The following WHRN variants were observed in gnomAD, a reference collection of about 807,000 sequenced individuals.
The protein encoded by WHRN is whirlin.
A neutral mutation model predicts 68.3 loss-of-function variants in WHRN; 41 were observed. The ratio of observed to expected loss-of-function variants is 0.60; its 90% CI spans 0.47 to 0.78. The LOEUF (loss-of-function observed/expected upper bound fraction) is 0.78. WHRN is among the 30% of genes least tolerant of loss of function. WHRN has a pLI of 0.00. For missense variants in WHRN, 1,243 were observed against 1,244.7 expected (o/e 1.00, Z 0.02); for synonymous variants, 560 against 561.3 (o/e 1.00, Z 0.03).
chr9:114,423,115 A>G lies in WHRN; in HGVS notation c.1626+199T>C, dbSNP rs2181928. On this transcript the variant is annotated intron_variant, in intron 7 of 11. Transcript: ENST00000362057. ...TCTCTCCTGTTCACCTGTTGTCCCC[A>G]AGAGCCCATGCCTAGCATGCAGTAG... Among the ~76,000 whole-genome samples, 87,762 of 151,808 alleles carry G rather than the reference A, an allele frequency of 0.58. 27,437 individuals carry two copies. Among genetic ancestry groups the G allele is most frequent in the East Asian group, 0.94 (4,838 of 5,156 alleles).
At chr9:114,479,334 T>TA (rs1841919169) in intron 1 of WHRN, among the ~76,000 whole-genome samples, 1 of 152,194 alleles carries the variant, frequency 6.6e-6, no homozygotes, top group Non-Finnish European at 1.5e-5. Context: ...CTGGAGGAAT[T>TA]AGTGTGTTCT....
chr9:114,421,619 T>C (rs1372132295), intron 7 of WHRN, among the ~76,000 whole-genome samples: 5 of 152,236 alleles, frequency 3.3e-5, no homozygotes, highest in African/African-American at 1.2e-4. Context: ...TTTAGAGCAG[T>C]GGCTCATGGC....
chr9:114,497,175 A>T (rs1325033656), intron 1 of WHRN, among the ~76,000 whole-genome samples: 1 of 152,206 alleles, frequency 6.6e-6, no homozygotes, highest in Non-Finnish European at 1.5e-5. Context: ...TCCAGGAAAG[A>T]GGACATTTGG....
chr9:114,423,184 C>T, intron 7 of WHRN, 130 bp downstream of exon 7: 1 of 978,248 alleles, frequency 1.0e-6, no homozygotes, highest in Non-Finnish European at 1.6e-6. Flanking sequence ...GAAACTGAGG[C>T]TCAGAGAGGC....
Position 114,402,624 on chromosome 9 carries a change from G to A in WHRN, c.*130C>T, listed in dbSNP as rs1486972738. 1 of 1,155,890 alleles carries A rather than the reference G, an allele frequency of 8.7e-7. No individual in the cohort carries two copies. The highest frequency in any genetic ancestry group is 1.7e-5 in the Admixed American group (1 of 58,660). The allele number at this position is 1,155,890 out of a possible 1,614,324, so 71.6% of individuals were successfully genotyped here. ...CAGTTCTGGTCCAGTGGGCTGGGAT[G>A]GAGGGGGGATGTCTTCCTGCCACCC... is the stretch of plus-strand genomic sequence containing the variant. On this transcript the variant is annotated 3_prime_UTR_variant, in exon 12 of 12. Coordinates refer to ENST00000362057, the MANE Select transcript of WHRN (RefSeq NM_015404.4).
intron 3 of WHRN, among the ~76,000 whole-genome samples, chr9:114,452,436 A>G (rs371562761): frequency 1.3e-5 from 2 of 152,360 alleles, no homozygotes; most frequent in East Asian, 3.9e-4. Flanking sequence ...CACCTGGCAC[A>G]CAGTAAGTAT....
rs372625187 is a variant in WHRN, at chr9:114,475,788, A to G, written c.837+2765T>C. ...AGACATCAGCTCATGCCCCTTCCCA[A>G]TAGGGAAATGGGGTTTCCACACTGT... is the stretch of plus-strand genomic sequence containing the variant. On this transcript the variant is annotated intron_variant, in intron 2 of 11. Transcript: ENST00000362057. Among the ~76,000 whole-genome samples, 140 of 152,222 alleles carry G rather than the reference A, an allele frequency of 9.2e-4. 1 individual carries two copies. In the South Asian group the frequency reaches 0.029, roughly 31 times the overall value.
Position 114,486,951 on chromosome 9 carries a change from GTGTGTGTGTATATATATATATATA to G in WHRN, c.619-8204_619-8181del, listed in dbSNP as rs1485515194. Among the ~76,000 whole-genome samples the G allele has an allele frequency of 8.1e-3, 728 of 90,242 alleles. 52 individuals are homozygous for G. Among genetic ancestry groups the G allele is most frequent in the African/African-American group, 0.036 (696 of 19,490 alleles). 59.2% of individuals were successfully genotyped at this position (90,242 alleles called of 152,430 possible). The stretch of plus-strand genomic sequence containing the variant: ...GAGTGTGTGTGTGTGTTGTGTGTGT[GTGTGTGTGTATATATATATATATA>G]TATATATATATATATATATATATAT... On this transcript the variant is annotated intron_variant, in intron 1 of 11. Transcript: ENST00000362057.
chr9:114,411,179 GAAAGGAATGGCAGCCCTCTCACACC>G (rs1835410994), intron 7 of WHRN, among the ~76,000 whole-genome samples: 1 of 152,192 alleles, frequency 6.6e-6, no homozygotes, highest in African/African-American at 2.4e-5. Context: ...AACTAGGATG[GAAAGGAATGGCAGCCCTCTCACACC>G]ACCTCCCTCC....
At chr9:114,407,852 G>A in intron 8 of WHRN, 95 bp downstream of exon 8, 1 of 1,068,938 alleles carries the variant, frequency 9.4e-7, no homozygotes, top group Non-Finnish European at 1.4e-6. Flanking sequence ...TTGCCACCCT[G>A]TGCCCTTTCT....
At chr9:114,481,999 AC>A (rs1389956527) in intron 1 of WHRN, among the ~76,000 whole-genome samples, 1 of 152,074 alleles carries the variant, frequency 6.6e-6, no homozygotes, top group Non-Finnish European at 1.5e-5. Flanking sequence ...ATCGTGTGGC[AC>A]ACAGTAGGTC....
rs376805417 is a variant in WHRN, at chr9:114,406,418, C to T, written c.2173G>A (p.Glu725Lys). The T allele has an allele frequency of 1.6e-5, 26 of 1,614,164 alleles. No individual in the cohort carries two copies. The highest frequency in any genetic ancestry group is 1.1e-4 in the East Asian group (5 of 44,876). ...TGTNQHFVMV[E>K]VHRPDSEPDV... is the part of the protein sequence containing the mutation. ...GGCTCGCTGTCGGGGCGGTGGACCTCCACCATGACAAAGTGCTGGTTTGTG... is the reference window on the plus strand; with the variant it reads ...GGCTCGCTGTCGGGGCGGTGGACCTTCACCATGACAAAGTGCTGGTTTGTG... The change falls in exon 9 of 12, where the codon GAG (glutamate) becomes AAG (lysine). Residue 725 changes from glutamate (E) to lysine (K), a missense_variant. Physicochemically the swap from Glu to Lys is moderately conservative, Grantham distance 56. Transcript: ENST00000362057.
chr9:114,448,878 C>A (rs1474121715), intron 3 of WHRN, among the ~76,000 whole-genome samples: 2 of 152,180 alleles, frequency 1.3e-5, no homozygotes, highest in Non-Finnish European at 2.9e-5. Context: ...ACTTCCTCAC[C>A]CACAGTACCT....
intron 3 of WHRN, among the ~76,000 whole-genome samples, chr9:114,451,996 G>C (rs955315341): frequency 1.3e-5 from 2 of 152,180 alleles, no homozygotes; most frequent in Non-Finnish European, 1.5e-5. Flanking sequence ...GTGGGACAGA[G>C]GGCGGACTCC....
Position 114,504,843 on chromosome 9 carries a change from T to G in WHRN, c.-42A>C. 7.3e-7 allele frequency: 1 copy of G among 1,361,592 alleles called. No homozygotes were observed. The highest frequency in any genetic ancestry group is 9.4e-7 in the Non-Finnish European group (1 of 1,068,006). 84.3% of individuals were successfully genotyped at this position (1,361,592 alleles called of 1,614,324 possible). ...GGCCGGGCTCTGAGCGCGCGGGGTG[T>G]GGGCGGTGCCGCTGTCCTCGCGGGT... On this transcript the variant is annotated 5_prime_UTR_variant, in exon 1 of 12. Coordinates refer to ENST00000362057, the MANE Select transcript of WHRN (RefSeq NM_015404.4).
intron 3 of WHRN, among the ~76,000 whole-genome samples, chr9:114,436,880 TTTA>T (rs1837906354): frequency 6.6e-6 from 1 of 151,814 alleles, no homozygotes; most frequent in Non-Finnish European, 1.5e-5. Flanking sequence ...ATAAAATAAT[TTTA>T]TTATTTAAAT....
chr9:114,425,468 TAAGAAGCATCCAGAAATCCAG>T, intron 4 of WHRN: 2 of 425,428 alleles, frequency 4.7e-6, no homozygotes, highest in Admixed American at 4.0e-5. Context: ...TCCTGATTTT[TAAGAAGCATCCAGAAATCCAG>T]TTTTTTTTTT....
chr9:114,456,313 C>T (rs569651112), intron 3 of WHRN, among the ~76,000 whole-genome samples: 25 of 152,098 alleles, frequency 1.6e-4, no homozygotes, highest in East Asian at 1.2e-3. Context: ...GGGCACGTGT[C>T]GGGCACAGGG....
At chr9:114,450,812 T>G (rs1704123912) in intron 3 of WHRN, among the ~76,000 whole-genome samples, 1 of 142,694 alleles carries the variant, frequency 7.0e-6, no homozygotes, top group Non-Finnish European at 1.5e-5. Context: ...CTGCTATTGT[T>G]ATTATTATTA....
Sources: allele counts gnomAD v4.1 joint callset (sites outside exome capture counted in the v4.1 genomes callset), GRCh38; gene constraint gnomAD v4.1.1; transcripts MANE v1.5; gene names NCBI Gene and HGNC (gene_info 2026-07-23, HGNC 2026-07-21).